ACAP2: variants seen among roughly 807,000 people sequenced by gnomAD.
ACAP2 encodes the protein ArfGAP with coiled-coil, ankyrin repeat and PH domains 2, also known as arf-GAP with coiled-coil, ANK repeat and PH domain-containing protein 2.
Under a neutral mutation model 115.8 loss-of-function variants are expected in ACAP2, and 39 were observed. That is an observed-to-expected ratio of 0.34 (90% CI 0.26 to 0.44). The LOEUF (loss-of-function observed/expected upper bound fraction) is 0.44, where lower values mean the gene tolerates loss of function less well. ACAP2 is among the 20% of genes least tolerant of loss of function. ACAP2 has a pLI of 1.00. For synonymous variants in ACAP2, 289 were observed against 315.8 expected, an observed-to-expected ratio of 0.92 and a Z score of 0.90; for missense variants, 662 against 927.6, an observed-to-expected ratio of 0.71 and a Z score of 3.72.
At chr3:195,299,598 G>A (rs542797536) in intron 15 of ACAP2, among the ~76,000 whole-genome samples, 22 of 151,506 alleles carry the variant, frequency 1.5e-4, no homozygotes, top group African/African-American at 4.6e-4. Flanking sequence ...CAGCACTTTG[G>A]GAGGCCAAGG....
chr3:195,345,046 A>T (rs746051284), intron 5 of ACAP2, among the ~76,000 whole-genome samples: 24 of 152,228 alleles, frequency 1.6e-4, no homozygotes, highest in Non-Finnish European at 2.4e-4. Context: ...CTTCCAGAAC[A>T]CGTATTTGTG....
intron 2 of ACAP2, among the ~76,000 whole-genome samples, chr3:195,383,155 A>G (rs940878473): frequency 6.6e-6 from 1 of 152,186 alleles, no homozygotes; most frequent in Non-Finnish European, 1.5e-5. Context: ...TATTTACAAT[A>G]TAAAATAAAA....
intron 21 of ACAP2, among the ~76,000 whole-genome samples, chr3:195,288,763 C>T (rs961144084): frequency 3.3e-5 from 5 of 152,018 alleles, no homozygotes; most frequent in Non-Finnish European, 5.9e-5. Context: ...GAGGCTGAGG[C>T]AGGAGAATGG....
At chr3:195,388,736 T>C (rs906169395) in intron 2 of ACAP2, among the ~76,000 whole-genome samples, 1 of 152,216 alleles carries the variant, frequency 6.6e-6, no homozygotes, top group Non-Finnish European at 1.5e-5. Flanking sequence ...AGATTAACAA[T>C]TTGAGCTGGG....
At chr3:195,341,014 A>AT (rs1468022485) in intron 6 of ACAP2, among the ~76,000 whole-genome samples, 1 of 152,130 alleles carries the variant, frequency 6.6e-6, no homozygotes, top group Non-Finnish European at 1.5e-5. Context: ...GGTTACTTGT[A>AT]TTTTTTCTTA....
chr3:195,417,581 C>CTTGCCCCAATGAAGT (rs1713840539), intron 1 of ACAP2, among the ~76,000 whole-genome samples: 1 of 152,144 alleles, frequency 6.6e-6, no homozygotes, highest in Non-Finnish European at 1.5e-5. Flanking sequence ...AAAGGACTCT[C>CTTGCCCCAATGAAGT]TTGCCCCAAT....
intron 4 of ACAP2, among the ~76,000 whole-genome samples, chr3:195,351,485 T>TGA (rs1553855910): frequency 1.0e-4 from 13 of 128,482 alleles, no homozygotes; most frequent in African/African-American, 3.9e-4. Flanking sequence ...TGTGTGTGTG[T>TGA]GACGGAGTCT....
chr3:195,360,546 A>G (rs1732281844), intron 4 of ACAP2, among the ~76,000 whole-genome samples: 8 of 152,354 alleles, frequency 5.3e-5, no homozygotes, highest in Admixed American at 2.6e-4. Context: ...CTGTAATCCC[A>G]GTACTTTGGG....
chr3:195,326,923 T>G lies in ACAP2; in HGVS notation c.706A>C (p.Arg236=). Residue 236 remains arginine (R), a synonymous_variant, in exon 9 of 23, where the codon AGA becomes CGA. Transcript: ENST00000326793. The stretch of plus-strand genomic sequence containing the variant: ...GTGGAATGTTTTTGCTCCATTTCTC[T>G]TTTCTCCTTTGCTGCATCCACAACC... The part of the protein sequence containing the change: ...RLVVDAAKEK[R]EMEQKHSTIQ... 6.2e-7 allele frequency: 1 copy of G among 1,614,006 alleles called. No homozygotes were observed. The highest frequency in any genetic ancestry group is 1.1e-5 in the South Asian group (1 of 91,076).
Position 195,443,011 on chromosome 3 carries a change from G to T in ACAP2, c.-164C>A, listed in dbSNP as rs1467689699. 9.0e-6 allele frequency: 5 copies of T among 553,070 alleles called. No individual in the cohort carries two copies. The highest frequency in any genetic ancestry group is 2.8e-5 in the South Asian group (1 of 35,172). 34.3% of individuals were successfully genotyped at this position (553,070 alleles called of 1,614,324 possible). ...TCATAGCAGCCGCGAAGACGGCGAC[G>T]ACTAGTCAGGCCCCAGTCCCGCCCC... On this transcript the variant is annotated 5_prime_UTR_variant, in exon 1 of 23. Coordinates refer to ENST00000326793, the MANE Select transcript of ACAP2 (RefSeq NM_012287.6).
rs111738570 is a variant in ACAP2, at chr3:195,297,045, C to T, written c.1487+145G>A. 2.5e-4 allele frequency: 169 copies of T among 666,168 alleles called. 2 individuals are homozygous for T. The highest frequency in any genetic ancestry group is 2.5e-3 in the African/African-American group (137 of 55,620). 41.3% of individuals were successfully genotyped at this position (666,168 alleles called of 1,614,324 possible). ...CAATATAATTATCTAATTAACATACCGAAGAAAGAGATAGCCAACATTCGA... is the reference window on the plus strand; with the variant it reads ...CAATATAATTATCTAATTAACATACTGAAGAAAGAGATAGCCAACATTCGA... On this transcript the variant is annotated intron_variant, in intron 16 of 22. Transcript: ENST00000326793.
chr3:195,327,019 A>G (rs1729841772), intron 8 of ACAP2, 60 bp from the exon 9 acceptor site: 1 of 1,384,804 alleles, frequency 7.2e-7, no homozygotes, highest in Non-Finnish European at 1.0e-6. Flanking sequence ...AGTTTTTCAA[A>G]CCATATTCCA....
intron 1 of ACAP2, among the ~76,000 whole-genome samples, chr3:195,442,547 C>T (rs1716093173): frequency 6.6e-6 from 1 of 152,194 alleles, no homozygotes; most frequent in Non-Finnish European, 1.5e-5. Context: ...CTTCGGGGCG[C>T]TCCGCCCCGG....
chr3:195,423,872 T>C (rs1714395141), intron 1 of ACAP2, among the ~76,000 whole-genome samples: 1 of 152,002 alleles, frequency 6.6e-6, no homozygotes, highest in Non-Finnish European at 1.5e-5. Flanking sequence ...GAAATGATGA[T>C]ATAATTTGCA....
intron 11 of ACAP2, 53 bp from the exon 12 acceptor site, chr3:195,307,376 C>T (rs1577271656): frequency 5.7e-6 from 6 of 1,059,086 alleles, no homozygotes; most frequent in East Asian, 2.4e-5. Context: ...TTTAATACTA[C>T]CAATAATGAA....
rs1162275706 is a variant in ACAP2, at chr3:195,424,283, ATTTTTTTTTTTTTTT to A, written c.53+18497_53+18511del. Among the ~76,000 whole-genome samples, 118 of 54,072 alleles carry A rather than the reference ATTTTTTTTTTTTTTT, an allele frequency of 2.2e-3. 2 individuals are homozygous for A. Among genetic ancestry groups the A allele is most frequent in the East Asian group, 0.019 (48 of 2,524 alleles). The allele number at this position is 54,072 out of a possible 152,430, so 35.5% of individuals were successfully genotyped here. On this transcript the variant is annotated intron_variant, in intron 1 of 22. Coordinates refer to ENST00000326793, the MANE Select transcript of ACAP2 (RefSeq NM_012287.6). Reference sequence around the variant, plus strand: ...TGTGTATATATATATATATATATATATTTTTTTTTTTTTTTTTTTTTTTTTTTTTGAAACAGAGTC... The same window carrying A: ...TGTGTATATATATATATATATATATATTTTTTTTTTTTTTGAAACAGAGTC...
intron 1 of ACAP2, among the ~76,000 whole-genome samples, chr3:195,424,222 A>ATG (rs1491457161): frequency 2.5e-5 from 2 of 81,028 alleles, no homozygotes; most frequent in African/African-American, 1.6e-4. Flanking sequence ...TAGAATGGTC[A>ATG]TATGTGTGTG....
chr3:195,427,596 C>T (rs2108849821), intron 1 of ACAP2, among the ~76,000 whole-genome samples: 1 of 152,172 alleles, frequency 6.6e-6, no homozygotes, highest in Non-Finnish European at 1.5e-5. Context: ...CAATTGTTAA[C>T]ACAATGTTAT....
intron 8 of ACAP2, among the ~76,000 whole-genome samples, chr3:195,328,740 A>G (rs936949984): frequency 2.6e-5 from 4 of 152,216 alleles, no homozygotes; most frequent in African/African-American, 4.8e-5. Context: ...TACTTTACAT[A>G]TGAATTCTGC....
Sources: gnomAD v4.1 joint callset for allele counts (sites outside exome capture counted in the v4.1 genomes callset) on GRCh38, gnomAD v4.1.1 for gene constraint, MANE v1.5 for transcripts, NCBI Gene and HGNC (gene_info 2026-07-23, HGNC 2026-07-21) for gene names.